The following UBAP2L variants were observed in gnomAD, a reference collection of about 807,000 sequenced individuals.
The protein encoded by UBAP2L is ubiquitin-associated protein 2-like.
In UBAP2L, 12 loss-of-function variants were observed where a neutral mutation model predicts 130.6. That is an observed-to-expected ratio of 0.09 (90% CI 0.06 to 0.15). UBAP2L has a LOEUF of 0.15. UBAP2L is among the 10% of genes least tolerant of loss of function. UBAP2L has a pLI of 1.00. For missense variants in UBAP2L, 965 were observed against 1,332.5 expected, an observed-to-expected ratio of 0.72 and a Z score of 4.29; for synonymous variants, 503 against 524.7, an observed-to-expected ratio of 0.96 and a Z score of 0.57.
chr1:154,263,986 A>G (rs1055023680), intron 24 of UBAP2L, among the ~76,000 whole-genome samples: 5 of 152,184 alleles, frequency 3.3e-5, no homozygotes, highest in African/African-American at 9.7e-5. Flanking sequence ...CGACTGTGCT[A>G]TCCTGGAACA....
rs189862667 is a variant in UBAP2L, at chr1:154,253,331, G to C, written c.1665-569G>C. 1.7e-3 allele frequency among the ~76,000 whole-genome samples: 265 copies of C among 151,732 alleles called. 2 individuals are homozygous for C. Among genetic ancestry groups the C allele is most frequent in the Admixed American group, 3.2e-3 (49 of 15,222 alleles). ...TTTTTCTTATAACAGCAAAATGTAG[G>C]GGGGAGCCAAGGGACTTTTCTCTTC... On this transcript the variant is annotated intron_variant, in intron 14 of 26. Coordinates refer to ENST00000428931, the MANE Select transcript of UBAP2L (RefSeq NM_014847.4).
intron 25 of UBAP2L, 88 bp downstream of exon 25, chr1:154,266,656 G>C: frequency 7.2e-7 from 1 of 1,396,372 alleles, no homozygotes; most frequent in Non-Finnish European, 1.0e-6. Context: ...TGGACAAGAA[G>C]AACCCTAGGA....
At chr1:154,225,397 G>A (rs1667580959) in intron 2 of UBAP2L, among the ~76,000 whole-genome samples, 184 bp downstream of exon 2, 1 of 151,824 alleles carries the variant, frequency 6.6e-6, no homozygotes, top group African/African-American at 2.4e-5. Flanking sequence ...AAGGCAAGAT[G>A]CTTACTTTTT....
At chr1:154,259,553 C>A (rs1231386011) in intron 21 of UBAP2L, among the ~76,000 whole-genome samples, 1 of 151,576 alleles carries the variant, frequency 6.6e-6, no homozygotes, top group Non-Finnish European at 1.5e-5. Flanking sequence ...TTAACCTATT[C>A]TATAGCCCAG....
At chr1:154,263,966 G>C (rs1379860571) in intron 24 of UBAP2L, among the ~76,000 whole-genome samples, 2 of 152,134 alleles carry the variant, frequency 1.3e-5, no homozygotes, top group Non-Finnish European at 2.9e-5. Context: ...TGATGACTCA[G>C]GCTCTGTGGC....
At chr1:154,238,009 A>G (rs1672244400) in intron 8 of UBAP2L, among the ~76,000 whole-genome samples, 3 of 152,154 alleles carry the variant, frequency 2.0e-5, no homozygotes, top group Admixed American at 1.3e-4. Flanking sequence ...TCCTCTTACA[A>G]AGGGGGATGA....
chr1:154,253,927 C>A lies in UBAP2L; in HGVS notation c.1692C>A (p.Asn564Lys), dbSNP rs1423662082. ...ASESSSTISS[N>K]QSQESGYQSG... ...AATCATCCTCTACAATTTCATCTAA[C>A]CAGAGTCAGGAGTCTGGTTATCAGA... Residue 564 changes from asparagine (N) to lysine (K), a missense_variant, in exon 15 of 27, where the codon AAC becomes AAA. By Grantham distance (94) the Asn-to-Lys change is moderately conservative. Around this residue, in one of 9 missense-constraint regions of UBAP2L, gnomAD observed 393 missense variants for 408.1 expected, o/e 0.96. Coordinates refer to ENST00000428931, the MANE Select transcript of UBAP2L (RefSeq NM_014847.4). The A allele has an allele frequency of 6.2e-7, 1 of 1,614,086 alleles. No homozygotes were observed. The highest frequency in any genetic ancestry group is 8.5e-7 in the Non-Finnish European group (1 of 1,180,022).
At chr1:154,237,301 A>G (rs1191349301) in intron 8 of UBAP2L, among the ~76,000 whole-genome samples, 165 bp downstream of exon 8, 1 of 152,256 alleles carries the variant, frequency 6.6e-6, no homozygotes, top group Admixed American at 6.5e-5. Flanking sequence ...TGTAACGTGC[A>G]TATGGGCACA....
intron 1 of UBAP2L, among the ~76,000 whole-genome samples, chr1:154,223,892 A>G (rs1409618155): frequency 2.6e-5 from 4 of 152,230 alleles, no homozygotes; most frequent in African/African-American, 9.6e-5. Flanking sequence ...GTCTAGAATT[A>G]CGTTGTATAA....
At position 154,252,487 on chromosome 1, in the gene UBAP2L, G is replaced by T. The variant is rs189492233; in HGVS notation, c.1664+834G>T. Reference sequence around the variant, plus strand: ...GTAGAGACAGGGTTTCACCATGTTGGCCAGGCTGGTCTTGAACTCCTGACC... The same window carrying T: ...GTAGAGACAGGGTTTCACCATGTTGTCCAGGCTGGTCTTGAACTCCTGACC... On this transcript the variant is annotated intron_variant, in intron 14 of 26. Coordinates refer to ENST00000428931, the MANE Select transcript of UBAP2L (RefSeq NM_014847.4). Among the ~76,000 whole-genome samples, 6 of 150,534 alleles carry T rather than the reference G, an allele frequency of 4.0e-5. No individual in the cohort carries two copies. In the East Asian group the frequency reaches 1.2e-3, roughly 30 times the overall value.
chr1:154,220,701 C>T, upstream of UBAP2L: 5 of 450,208 alleles, frequency 1.1e-5, no homozygotes, highest in South Asian at 1.3e-4. Flanking sequence ...CGGCGGCCAT[C>T]CGTGCGTCAC....
rs114893937 is a variant in UBAP2L at position 154,261,729 on chromosome 1, T to C, written c.2902+32T>C. The C allele has an allele frequency of 1.6e-3, 2,521 of 1,603,868 alleles. 33 individuals carry two copies. In the African/African-American group the frequency reaches 0.029, roughly 19 times the overall value. On this transcript the variant is annotated intron_variant, in intron 24 of 26. Coordinates refer to ENST00000428931, the MANE Select transcript of UBAP2L (RefSeq NM_014847.4). The stretch of plus-strand genomic sequence containing the variant: ...TGACCTTGTCTCTGGCTCGGTGTTA[T>C]CTGTGGGGTGTTATTGGATAAATTT...
chr1:154,224,134 A>G (rs1429433488), intron 1 of UBAP2L, among the ~76,000 whole-genome samples: 1 of 152,184 alleles, frequency 6.6e-6, no homozygotes, highest in Non-Finnish European at 1.5e-5. Context: ...CAAAAACTAT[A>G]TTCTGGTTTG....
chr1:154,259,922 C>G (rs2274991), intron 21 of UBAP2L, 26 bp from the exon 22 acceptor site: 2 of 1,603,762 alleles, frequency 1.2e-6, no homozygotes, highest in East Asian at 4.5e-5. Context: ...CATTGAATCT[C>G]TGCTCTTTTT....
In UBAP2L at chr1:154,257,230, G is replaced by A. The variant is rs553501539; in HGVS notation, c.2325G>A (p.Ser775=). ...GCAGCAACTCCACTGTCACAGCCTC[G>A]ACTCGAAGCTCAGTTGCTACGACTT... The part of the protein sequence containing the change: ...SLGSNSTVTA[S]TRSSVATTSG... Residue 775 remains serine (S), a synonymous_variant, in exon 19 of 27, where the codon TCG becomes TCA. Coordinates refer to ENST00000428931, the MANE Select transcript of UBAP2L (RefSeq NM_014847.4). The A allele has an allele frequency of 3.1e-6, 5 of 1,614,178 alleles. No individual in the cohort carries two copies. Among genetic ancestry groups the A allele is most frequent in the African/African-American group, 1.3e-5 (1 of 75,042 alleles).
chr1:154,222,094 GTTA>G (rs1051496898), intron 1 of UBAP2L, among the ~76,000 whole-genome samples: 5 of 152,072 alleles, frequency 3.3e-5, no homozygotes, highest in Non-Finnish European at 7.4e-5. Flanking sequence ...AGGCGTTTTT[GTTA>G]TTATTGTTAA....
intron 4 of UBAP2L, among the ~76,000 whole-genome samples, chr1:154,232,454 C>G (rs1342831621): frequency 6.6e-6 from 1 of 151,976 alleles, no homozygotes; most frequent in African/African-American, 2.4e-5. Context: ...GTTTACAATG[C>G]TCATTTTCCT....
intron 22 of UBAP2L, 117 bp from the exon 23 acceptor site, chr1:154,260,775 A>C: frequency 5.1e-6 from 5 of 975,540 alleles, no homozygotes; most frequent in Non-Finnish European, 7.7e-6. Flanking sequence ...AATTCAAGGA[A>C]TTGAACTTTA....
At chr1:154,233,468 G>A (rs545567445) in intron 4 of UBAP2L, among the ~76,000 whole-genome samples, 1 of 151,752 alleles carries the variant, frequency 6.6e-6, no homozygotes, top group African/African-American at 2.4e-5. Flanking sequence ...GGGATTACAG[G>A]TGCGCACCAC....
Sources: allele counts gnomAD v4.1 joint callset (sites outside exome capture counted in the v4.1 genomes callset), GRCh38; gene constraint gnomAD v4.1.1; regional missense constraint gnomAD v4.1.1; transcripts MANE v1.5; gene names NCBI Gene and HGNC (gene_info 2026-07-23, HGNC 2026-07-21).